The following PACRG variants were observed in gnomAD, a reference collection of about 807,000 sequenced individuals.
The protein encoded by PACRG is parkin coregulated gene protein.
A neutral mutation model predicts 29.7 loss-of-function variants in PACRG; 29 were observed. The ratio of observed to expected loss-of-function variants is 0.98; its 90% CI spans 0.73 to 1.33. The LOEUF is 1.33. Among genes scored for constraint, PACRG ranks in the 40% most tolerant of loss-of-function variants. The pLI, the probability that PACRG is intolerant of heterozygous loss-of-function variation, is 0.00. For missense variants in PACRG, 279 were observed against 316.2 expected (o/e 0.88, Z 0.89); for synonymous variants, 116 against 118.7 (o/e 0.98, Z 0.15).
intron 2 of PACRG, among the ~76,000 whole-genome samples, chr6:162,924,729 A>G (rs1797306605): frequency 6.6e-6 from 1 of 152,076 alleles, no homozygotes; most frequent in South Asian, 2.1e-4. Context: ...TTGCAAATCG[A>G]TACCCTAACA....
At chr6:162,812,781 T>C (rs1786993337) in intron 1 of PACRG, among the ~76,000 whole-genome samples, 1 of 152,152 alleles carries the variant, frequency 6.6e-6, no homozygotes, top group Non-Finnish European at 1.5e-5. Context: ...GGTTATTTGA[T>C]AATTGAATGA....
intron 2 of PACRG, among the ~76,000 whole-genome samples, chr6:162,884,276 G>C (rs556932231): frequency 6.6e-6 from 1 of 152,194 alleles, no homozygotes; most frequent in South Asian, 2.1e-4. Context: ...TTCTAGGCTA[G>C]AAGGTTCATC....
At chr6:162,962,593 C>T (rs1412191955) in intron 2 of PACRG, among the ~76,000 whole-genome samples, 4 of 152,176 alleles carry the variant, frequency 2.6e-5, no homozygotes, top group Non-Finnish European at 5.9e-5. Context: ...CCTGAGCTCT[C>T]TTACCACCAG....
intron 4 of PACRG, among the ~76,000 whole-genome samples, chr6:163,199,657 T>A (rs1780617334): frequency 1.3e-5 from 2 of 152,060 alleles, no homozygotes; most frequent in Non-Finnish European, 2.9e-5. Flanking sequence ...GAGGAGTAAA[T>A]GGTGGAGGTG....
intron 2 of PACRG, among the ~76,000 whole-genome samples, chr6:162,965,382 A>T (rs1251072206): frequency 2.6e-5 from 4 of 152,244 alleles, no homozygotes; most frequent in Non-Finnish European, 4.4e-5. Flanking sequence ...TTTATTTCTC[A>T]TAGCTCAGGA....
intron 2 of PACRG, among the ~76,000 whole-genome samples, chr6:162,934,787 T>A (rs1348833162): frequency 6.6e-6 from 1 of 152,240 alleles, no homozygotes; most frequent in African/African-American, 2.4e-5. Flanking sequence ...TTTTATATTT[T>A]CATGTGTTTT....
chr6:163,284,803 G>C (rs1442194192), intron 4 of PACRG, among the ~76,000 whole-genome samples: 3 of 152,022 alleles, frequency 2.0e-5, no homozygotes, highest in South Asian at 2.1e-4. Context: ...GTCCTCCCCT[G>C]TTGCCCCTGC....
At chr6:163,038,893 A>G (rs141300736) in intron 2 of PACRG, among the ~76,000 whole-genome samples, 209 of 152,324 alleles carry the variant, frequency 1.4e-3, no homozygotes, top group Non-Finnish European at 2.3e-3. Context: ...TTACAATTCC[A>G]TAAAATTGTG....
intron 4 of PACRG, among the ~76,000 whole-genome samples, chr6:163,270,524 C>T (rs1221201722): frequency 1.5e-5 from 2 of 137,176 alleles, no homozygotes; most frequent in East Asian, 2.1e-4. Flanking sequence ...GTGTATGCTA[C>T]CATGCCTGAC....
intron 4 of PACRG, among the ~76,000 whole-genome samples, chr6:163,248,082 C>A (rs574338880): frequency 6.6e-6 from 1 of 152,300 alleles, no homozygotes; most frequent in South Asian, 2.1e-4. Flanking sequence ...TACCTCCATG[C>A]CCCACTGAAT....
intron 1 of PACRG, among the ~76,000 whole-genome samples, chr6:162,782,060 T>C (rs13212746): frequency 0.18 from 27,915 of 151,688 alleles, 2,950 homozygotes; most frequent in South Asian, 0.32. Context: ...GGTTAAAATT[T>C]ACATGGAAAA....
intron 4 of PACRG, chr6:163,095,232 C>T: frequency 2.0e-6 from 2 of 982,130 alleles, no homozygotes; most frequent in Non-Finnish European, 1.2e-6. Context: ...GAGACTGCTA[C>T]ATTTGAGTCT....
At chr6:162,893,174 C>G in intron 2 of PACRG, among the ~76,000 whole-genome samples, 1 of 152,122 alleles carries the variant, frequency 6.6e-6, no homozygotes, top group East Asian at 1.9e-4. Context: ...AACTTGGTGC[C>G]GCTCACCCAA....
chr6:162,917,447 G>A (rs1796770751), intron 2 of PACRG, among the ~76,000 whole-genome samples: 1 of 152,184 alleles, frequency 6.6e-6, no homozygotes, highest in Non-Finnish European at 1.5e-5. Flanking sequence ...TCTGCAGGAA[G>A]TAGGGCTCTC....
intron 4 of PACRG, among the ~76,000 whole-genome samples, chr6:163,276,035 C>CT (rs1455559190): frequency 2.2e-5 from 3 of 136,758 alleles, no homozygotes; most frequent in Admixed American, 7.4e-5. Context: ...TTCTTTCTTT[C>CT]TTTTTTATTT....
chr6:163,027,545 G>A lies in PACRG; in HGVS notation c.292-34605G>A, dbSNP rs969586775. The stretch of plus-strand genomic sequence containing the variant: ...TCAATGTACACTTTTAGCCTCACAT[G>A]AATAGAAAAAAATCTTATTATGGTG... On this transcript the variant is annotated intron_variant, in intron 2 of 4. Transcript: ENST00000366888. Among the ~76,000 whole-genome samples the A allele has an allele frequency of 5.9e-5, 9 of 152,046 alleles. 1 individual carries two copies. The highest frequency in any genetic ancestry group is 2.2e-4 in the African/African-American group (9 of 41,380).
At chr6:162,760,333 G>A (rs1337082317) in intron 1 of PACRG, among the ~76,000 whole-genome samples, 1 of 152,192 alleles carries the variant, frequency 6.6e-6, no homozygotes, top group Non-Finnish European at 1.5e-5. Flanking sequence ...GTGGACTACT[G>A]CAGATGGAGT....
intron 4 of PACRG, among the ~76,000 whole-genome samples, chr6:163,113,621 C>CA (rs112226471): frequency 2.6e-5 from 4 of 151,752 alleles, no homozygotes; most frequent in Non-Finnish European, 4.4e-5. Flanking sequence ...AACAAACAAA[C>CA]AAAAAAAATT....
At chr6:162,908,875 G>C (rs952376838) in intron 2 of PACRG, among the ~76,000 whole-genome samples, 8 of 152,274 alleles carry the variant, frequency 5.3e-5, no homozygotes, top group Admixed American at 5.2e-4. Context: ...GGAGATGGAA[G>C]CTGGGTGGGC....
Sources: allele counts gnomAD v4.1 joint callset (sites outside exome capture counted in the v4.1 genomes callset), GRCh38; gene constraint gnomAD v4.1.1; transcripts MANE v1.5; gene names NCBI Gene and HGNC (gene_info 2026-07-23, HGNC 2026-07-21).